Variants in RBFOX1 observed in about 807,000 individuals in gnomAD.
The protein encoded by RBFOX1 is RNA binding fox-1 homolog 1.
RBFOX1 carries 8 observed loss-of-function variants against 57.7 expected under a neutral mutation model. The ratio of observed to expected loss-of-function variants is 0.14; its 90% CI spans 0.08 to 0.25. The LOEUF is 0.25. RBFOX1 is among the 10% of genes least tolerant of loss of function. The pLI is 1.00. For missense variants in RBFOX1, 611 were observed against 548.5 expected (o/e 1.11, Z -1.14); for synonymous variants, 326 against 222.4 (o/e 1.47, Z -4.15).
At chr16:6,953,639 G>A (rs1018506317) in intron 3 of RBFOX1, among the ~76,000 whole-genome samples, 14 of 152,162 alleles carry the variant, frequency 9.2e-5, no homozygotes, top group African/African-American at 2.4e-4. Flanking sequence ...CACTCATCTC[G>A]GCCTCCCAAA....
intron 2 of RBFOX1, among the ~76,000 whole-genome samples, chr16:5,578,844 CTTT>C (rs57387602): frequency 0.039 from 4,205 of 108,620 alleles, 174 homozygotes; most frequent in African/African-American, 0.12. Context: ...CACACACACC[CTTT>C]TTTTTTTTTT....
intron 4 of RBFOX1, among the ~76,000 whole-genome samples, chr16:7,169,275 T>C (rs545492494): frequency 6.6e-6 from 1 of 152,350 alleles, no homozygotes; most frequent in Non-Finnish European, 1.5e-5. Flanking sequence ...ATGCTAAGAA[T>C]TTTGAGTTTC....
Position 7,497,039 on chromosome 16 carries a change from C to T in RBFOX1, c.28-21108C>T, listed in dbSNP as rs543956785. The stretch of plus-strand genomic sequence containing the variant: ...GTCATTTTATTGCCTCTCTCCATGT[C>T]CCCACCTTTTCCTGTCTCCAGCCTA... On this transcript the variant is annotated intron_variant, in intron 4 of 15. Transcript: ENST00000550418. Among the ~76,000 whole-genome samples the T allele has an allele frequency of 1.3e-4, 20 of 152,220 alleles. No homozygotes were observed. The South Asian group carries it at 3.9e-3, about 30-fold the overall frequency.
At chr16:5,911,083 C>G (rs914957343) in intron 4 of RBFOX1, among the ~76,000 whole-genome samples, 2 of 152,284 alleles carry the variant, frequency 1.3e-5, no homozygotes, top group Non-Finnish European at 1.5e-5. Flanking sequence ...GCATCTGCTT[C>G]TAGGGGAACA....
intron 3 of RBFOX1, among the ~76,000 whole-genome samples, chr16:6,709,076 C>G (rs1204824381): frequency 6.6e-6 from 1 of 152,030 alleles, no homozygotes; most frequent in African/African-American, 2.4e-5. Context: ...CCATATATCT[C>G]AAGCACAGAT....
intron 4 of RBFOX1, among the ~76,000 whole-genome samples, chr16:7,166,582 G>A (rs902186027): frequency 6.6e-6 from 1 of 152,274 alleles, no homozygotes; most frequent in African/African-American, 2.4e-5. Context: ...CCTCGTCATC[G>A]GTTATGGGCT....
chr16:7,451,224 TATAATC>T (rs1196223412), intron 4 of RBFOX1, among the ~76,000 whole-genome samples: 17 of 152,252 alleles, frequency 1.1e-4, no homozygotes, highest in Non-Finnish European at 1.8e-4. Context: ...TGGGACCTGA[TATAATC>T]ATATAATATT....
intron 1 of RBFOX1, among the ~76,000 whole-genome samples, chr16:6,098,103 C>T (rs902244907): frequency 5.3e-5 from 8 of 152,146 alleles, no homozygotes; most frequent in African/African-American, 1.7e-4. Context: ...GAGAAGGGGT[C>T]GGTCACCATT....
intron 3 of RBFOX1, among the ~76,000 whole-genome samples, chr16:5,677,436 A>G (rs1190422239): frequency 2.0e-5 from 3 of 152,198 alleles, no homozygotes; most frequent in Non-Finnish European, 4.4e-5. Context: ...TTTACAGTAG[A>G]TAAATGGGCA....
At chr16:5,368,511 A>T (rs1596691594) in intron 1 of RBFOX1, among the ~76,000 whole-genome samples, 1 of 152,196 alleles carries the variant, frequency 6.6e-6, no homozygotes, top group African/African-American at 2.4e-5. Flanking sequence ...GGAACTTGAG[A>T]TGAAAGTATG....
intron 4 of RBFOX1, among the ~76,000 whole-genome samples, chr16:5,906,435 G>A (rs538281552): frequency 1.8e-3 from 270 of 152,274 alleles, no homozygotes; most frequent in Non-Finnish European, 2.7e-3. Context: ...GTAGAGCTAC[G>A]GAACAGATCC....
intron 2 of RBFOX1, among the ~76,000 whole-genome samples, chr16:6,338,036 G>C (rs2084011522): frequency 6.6e-6 from 1 of 152,108 alleles, no homozygotes; most frequent in Admixed American, 6.5e-5. Context: ...GCAATACTTT[G>C]GACAATTTTA....
intron 1 of RBFOX1, among the ~76,000 whole-genome samples, chr16:5,362,488 G>A (rs1027905613): frequency 6.6e-6 from 1 of 152,164 alleles, no homozygotes; most frequent in African/African-American, 2.4e-5. Flanking sequence ...TCAGTCTCCC[G>A]AGTAGCTGGG....
At chr16:6,442,199 C>T (rs905093956) in intron 2 of RBFOX1, among the ~76,000 whole-genome samples, 1 of 152,098 alleles carries the variant, frequency 6.6e-6, no homozygotes, top group Non-Finnish European at 1.5e-5. Context: ...AGAAAAATTC[C>T]TGGGTGGGAC....
rs375156358 is a variant in RBFOX1, at chr16:7,521,471, G to A, written c.270+3082G>A. On this transcript the variant is annotated intron_variant, in intron 5 of 15. Coordinates refer to ENST00000550418, the MANE Select transcript of RBFOX1 (RefSeq NM_018723.4). ...CTTAAAGGAAATTTAATCTAGTTGG[G>A]GAGCTGAGATGCTCCACATCTTTGC... Among the ~76,000 whole-genome samples, 8 of 152,268 alleles carry A rather than the reference G, an allele frequency of 5.3e-5. No individual in the cohort carries two copies. The East Asian group carries it at 1.2e-3, about 22-fold the overall frequency.
rs1257642522 is a variant in RBFOX1, at chr16:5,382,977, G to C, written c.220-84239G>C. On this transcript the variant is annotated intron_variant, in intron 1 of 2. Coordinates refer to the RBFOX1 transcript ENST00000585867. ...GTGCACACTCTGACTGCTTTGCTGGGTTCAATTTAGCCATCAAGAATAAAG... is the reference window on the plus strand; with the variant it reads ...GTGCACACTCTGACTGCTTTGCTGGCTTCAATTTAGCCATCAAGAATAAAG... Among the ~76,000 whole-genome samples, 3 of 152,326 alleles carry C rather than the reference G, an allele frequency of 2.0e-5. No homozygotes were observed. The East Asian group carries it at 5.8e-4, about 29-fold the overall frequency.
chr16:5,902,211 G>A (rs2058320292), intron 4 of RBFOX1, among the ~76,000 whole-genome samples: 2 of 152,130 alleles, frequency 1.3e-5, no homozygotes, highest in South Asian at 2.1e-4. Context: ...GACCCATTAA[G>A]TACGAATTAA....
chr16:7,695,583 C>T (rs2058183), intron 14 of RBFOX1, among the ~76,000 whole-genome samples: 146,602 of 149,904 alleles, frequency 0.98, 71,768 homozygotes, highest in South Asian at 1. Flanking sequence ...ACTGGGGAGG[C>T]GGAGGTTGCA....
At chr16:5,906,721 TAG>T (rs2058465733) in intron 4 of RBFOX1, among the ~76,000 whole-genome samples, 1 of 141,684 alleles carries the variant, frequency 7.1e-6, no homozygotes, top group Non-Finnish European at 1.5e-5. Flanking sequence ...CCATGAATCC[TAG>T]ATTCTTTTTT....
Sources: allele counts gnomAD v4.1 joint callset (sites outside exome capture counted in the v4.1 genomes callset), GRCh38; gene constraint gnomAD v4.1.1; transcripts MANE v1.5; gene names NCBI Gene and HGNC (gene_info 2026-07-23, HGNC 2026-07-21).